DMD: variants seen among roughly 807,000 people sequenced by gnomAD.
DMD encodes the protein mutant dystrophin.
In DMD, 63 loss-of-function variants were observed where a neutral mutation model predicts 330.1. That is an observed-to-expected ratio of 0.19 (90% confidence interval 0.16 to 0.24). DMD has a LOEUF of 0.24. DMD is among the 10% of genes least tolerant of loss of function. DMD has a pLI of 1.00. For synonymous variants in DMD, 1,223 were observed against 959.8 expected (o/e 1.27, Z -5.07); for missense variants, 3,344 against 2,684.1 (o/e 1.25, Z -5.43).
intron 67 of DMD, among the ~76,000 whole-genome samples, chrX:31,202,264 T>C (rs1373774861): frequency 8.9e-6 from 1 of 112,391 alleles, no homozygotes; most frequent in Non-Finnish European, 1.9e-5. Flanking sequence ...GTTTTATAAT[T>C]GGATTTTAAA....
intron 50 of DMD, among the ~76,000 whole-genome samples, chrX:31,777,710 C>T (rs1485520048): frequency 8.9e-6 from 1 of 111,766 alleles, no homozygotes; most frequent in Non-Finnish European, 1.9e-5. Flanking sequence ...AAAGTTTTCA[C>T]CTGTGTAACT....
intron 17 of DMD, among the ~76,000 whole-genome samples, chrX:32,542,062 C>T (rs1395865691): frequency 1.8e-5 from 2 of 108,235 alleles, no homozygotes; most frequent in Non-Finnish European, 3.8e-5. Context: ...GAGAGTGTCA[C>T]ATCTGGAGCT....
At chrX:32,927,363 C>CTTTTTT (rs536073565) in intron 2 of DMD, among the ~76,000 whole-genome samples, 6 of 56,996 alleles carry the variant, frequency 1.1e-4, no homozygotes, top group Middle Eastern at 0.012. Context: ...TTCTTTCTTT[C>CTTTTTT]TTTTTTTTTT....
At chrX:32,829,594 T>C (rs1358245367) in intron 4 of DMD, among the ~76,000 whole-genome samples, 3 of 111,885 alleles carry the variant, frequency 2.7e-5, no homozygotes, top group African/African-American at 9.7e-5. Flanking sequence ...ATTTTCTACG[T>C]TGAATACAAT....
intron 55 of DMD, among the ~76,000 whole-genome samples, chrX:31,611,837 A>AGTGTGG (rs2077936983): frequency 9.0e-6 from 1 of 111,347 alleles, no homozygotes; most frequent in Non-Finnish European, 1.9e-5. Flanking sequence ...CTGGGATTAC[A>AGTGTGG]GAAGTGACCC....
At chrX:31,294,475 A>T (rs1010433718) in intron 62 of DMD, among the ~76,000 whole-genome samples, 3 of 112,413 alleles carry the variant, frequency 2.7e-5, no homozygotes, top group African/African-American at 9.7e-5. Context: ...CTGGTTTTCT[A>T]GACCAGTTTA....
rs1026769649 is a variant in DMD, at chrX:32,679,073, T to C, written c.960+18797A>G. ...ATATGTAATGAAAAATTTAAAGTTA[T>C]AAATCTTACAAAAATATAGGACAGT... On this transcript the variant is annotated intron_variant, in intron 9 of 78. Transcript: ENST00000357033. 2.7e-5 allele frequency among the ~76,000 whole-genome samples: 3 copies of C among 112,020 alleles called. No individual in the cohort carries two copies. The Admixed American group carries it at 2.8e-4, about 11-fold the overall frequency.
intron 25 of DMD, among the ~76,000 whole-genome samples, chrX:32,458,274 G>A (rs2098368993): frequency 9.0e-6 from 1 of 111,101 alleles, no homozygotes; most frequent in Non-Finnish European, 1.9e-5. Context: ...CGTGTGTCTG[G>A]TTTATTTCAC....
intron 45 of DMD, among the ~76,000 whole-genome samples, chrX:31,959,590 A>C (rs1032670904): frequency 9.0e-6 from 1 of 111,240 alleles, no homozygotes; most frequent in Non-Finnish European, 1.9e-5. Flanking sequence ...TACTTTTTGC[A>C]TAAAACACTT....
At chrX:33,111,701 G>T (rs770844285) in intron 1 of DMD, among the ~76,000 whole-genome samples, 2 of 111,251 alleles carry the variant, frequency 1.8e-5, no homozygotes, top group Non-Finnish European at 3.8e-5. Flanking sequence ...CTGCCTCTGG[G>T]GTTCAAGGGA....
chrX:31,993,741 A>T (rs2095565807), intron 44 of DMD, among the ~76,000 whole-genome samples: 1 of 112,345 alleles, frequency 8.9e-6, no homozygotes, highest in African/African-American at 3.2e-5. Flanking sequence ...GTAGCAAATA[A>T]ACAGAATCTG....
rs368242957 is a variant in DMD at position 32,913,183 on chromosome X, G to T, written c.94-63363C>A. On this transcript the variant is annotated intron_variant, in intron 2 of 78. Coordinates refer to ENST00000357033, the MANE Select transcript of DMD (RefSeq NM_004006.3). ...CCCCCTAGTTTAAAAGTGGCCCCTG[G>T]TAACATTTTTCTTGAAGCTTCTAGT... Among the ~76,000 whole-genome samples the T allele has an allele frequency of 9.9e-5, 11 of 111,253 alleles. No homozygotes were observed. The East Asian group carries it at 2.6e-3, about 26-fold the overall frequency.
intron 44 of DMD, among the ~76,000 whole-genome samples, chrX:32,205,458 C>G (rs1603628261): frequency 9.1e-6 from 1 of 109,720 alleles, no homozygotes; most frequent in Non-Finnish European, 1.9e-5. Context: ...TGGCTAGTTA[C>G]TCTTTGGGTT....
intron 26 of DMD, among the ~76,000 whole-genome samples, chrX:32,451,254 A>ACAAG (rs1170415159): frequency 1.8e-5 from 2 of 111,094 alleles, no homozygotes; most frequent in Non-Finnish European, 3.8e-5. Flanking sequence ...TGTGTATTAA[A>ACAAG]CAAGACTTCC....
intron 41 of DMD, among the ~76,000 whole-genome samples, chrX:32,323,130 A>G (rs1177453083): frequency 8.9e-6 from 1 of 111,997 alleles, no homozygotes; most frequent in Non-Finnish European, 1.9e-5. Context: ...ATTATTCCCT[A>G]AACAATACTG....
chrX:33,070,667 C>CTA (rs1715393725), intron 1 of DMD, among the ~76,000 whole-genome samples: 5 of 46,116 alleles, frequency 1.1e-4, no homozygotes, highest in African/African-American at 2.7e-4. Context: ...CTCTCTCTCT[C>CTA]TCTCTCTATA....
intron 4 of DMD, among the ~76,000 whole-genome samples, chrX:32,834,017 A>C (rs970937736): frequency 2.7e-5 from 3 of 111,546 alleles, no homozygotes; most frequent in African/African-American, 9.7e-5. Flanking sequence ...ATGTGAGTTT[A>C]ATGAATACGA....
At chrX:31,667,521 G>A (rs2081498492) in intron 53 of DMD, among the ~76,000 whole-genome samples, 1 of 110,085 alleles carries the variant, frequency 9.1e-6, no homozygotes, top group Non-Finnish European at 1.9e-5. Context: ...TAGTGGTAGG[G>A]GGAAAGGGGG....
chrX:31,363,495 C>T (rs773333691), intron 60 of DMD, among the ~76,000 whole-genome samples: 14 of 106,695 alleles, frequency 1.3e-4, no homozygotes, highest in Non-Finnish European at 2.3e-4. Flanking sequence ...ATTCTCCTGC[C>T]TCGGCCTCCC....
Sources: allele counts gnomAD v4.1 joint callset (sites outside exome capture counted in the v4.1 genomes callset), GRCh38; gene constraint gnomAD v4.1.1; transcripts MANE v1.5; gene names NCBI Gene and HGNC (gene_info 2026-07-23, HGNC 2026-07-21).